The following RNF175 variants were observed in gnomAD, a reference collection of about 807,000 sequenced individuals.
RNF175 encodes ring finger protein 175.
RNF175 carries 38 observed loss-of-function variants against 50.0 expected under a neutral mutation model. The observed-to-expected ratio is 0.76, with a 90% CI of 0.59 to 1.00. RNF175 has a LOEUF of 1.00. Ranked by LOEUF, RNF175 falls within the 50% of genes least tolerant of loss-of-function variation. The pLI is 0.00. For missense variants in RNF175, 388 were observed against 409.6 expected (o/e 0.95, Z 0.46); for synonymous variants, 155 against 146.1 (o/e 1.06, Z -0.44).
chr4:153,734,728 C>T lies in RNF175; in HGVS notation c.247-6367G>A, dbSNP rs190515467. ...TCCCGCTCTGTCGCCCAGGCTGGAG[C>T]GCAGTGGCGTGATCTCGGCTCACTG... On this transcript the variant is annotated intron_variant, in intron 3 of 8. Transcript: ENST00000347063. Among the ~76,000 whole-genome samples the T allele has an allele frequency of 3.8e-3, 513 of 134,810 alleles. 3 individuals are homozygous for T. The Middle Eastern group carries it at 0.052, about 14-fold the overall frequency. The allele number at this position is 134,810 out of a possible 152,430, so 88.4% of individuals were successfully genotyped here. A position where few individuals can be genotyped will look rare whatever the true frequency, so the allele number is the denominator to read the frequency against.
At chr4:153,734,715 G>A (rs1392176123) in intron 3 of RNF175, among the ~76,000 whole-genome samples, 7 of 113,392 alleles carry the variant, frequency 6.2e-5, no homozygotes, top group South Asian at 3.0e-4. Context: ...CCGCTCTGTC[G>A]CCCAGGCTGG....
chr4:153,743,152 A>C (rs1253380645), intron 3 of RNF175, among the ~76,000 whole-genome samples: 3 of 152,216 alleles, frequency 2.0e-5, no homozygotes, highest in African/African-American at 7.2e-5. Context: ...AGTATAAGAA[A>C]GCTGGAAACC....
At chr4:153,728,126 C>T (rs1738814877) in intron 4 of RNF175, 81 bp downstream of exon 4, 8 of 1,104,018 alleles carry the variant, frequency 7.2e-6, no homozygotes, top group Non-Finnish European at 1.0e-5. Flanking sequence ...CACTCCCCAA[C>T]CCAGGAAAAT....
At position 153,728,327 on chromosome 4, in the gene RNF175, A is replaced by G. The variant is rs1738831941; in HGVS notation, c.281T>C (p.Leu94Ser). 1.9e-6 allele frequency: 3 copies of G among 1,613,840 alleles called. No homozygotes were observed. Among genetic ancestry groups the G allele is most frequent in the Non-Finnish European group, 2.5e-6 (3 of 1,179,706 alleles). Reference sequence around the variant, plus strand: ...CCAGTATAATTTTATCGTGAAATATAAGGGGACAACCCACATCTGCAACAA... The same window carrying G: ...CCAGTATAATTTTATCGTGAAATATGAGGGGACAACCCACATCTGCAACAA... ...VTLLQMWVVP[L>S]YFTIKLYWWR... Residue 94 changes from leucine to serine, a missense_variant, in exon 4 of 9, where the codon TTA (leucine) becomes TCA (serine). Transcript: ENST00000347063.
At position 153,757,726 on chromosome 4, in the gene RNF175, A is replaced by G. The variant is rs1396709980; in HGVS notation, c.66+2071T>C. Among the ~76,000 whole-genome samples, 4 of 151,852 alleles carry G rather than the reference A, an allele frequency of 2.6e-5. No individual in the cohort carries two copies. The East Asian group carries it at 7.8e-4, about 30-fold the overall frequency. On this transcript the variant is annotated intron_variant, in intron 1 of 8. Coordinates refer to ENST00000347063, the MANE Select transcript of RNF175 (RefSeq NM_173662.4). ...CCTGGAAAGCAAGCCTTAGACAAGC[A>G]GAAGAGGGAACTCCTAAACCCATGG...
intron 3 of RNF175, among the ~76,000 whole-genome samples, chr4:153,728,727 C>A (rs1199247182): frequency 1.3e-5 from 2 of 152,196 alleles, no homozygotes; most frequent in Non-Finnish European, 2.9e-5. Context: ...TCCCTGCACT[C>A]ACTGAGGCGG....
At chr4:153,746,234 G>C (rs986967114) in intron 3 of RNF175, among the ~76,000 whole-genome samples, 30 of 152,314 alleles carry the variant, frequency 2.0e-4, no homozygotes, top group Non-Finnish European at 3.5e-4. Context: ...GGAGTAGCAG[G>C]CCCCAAGCCA....
At chr4:153,730,042 T>C (rs148489926) in intron 3 of RNF175, among the ~76,000 whole-genome samples, 1 of 152,184 alleles carries the variant, frequency 6.6e-6, no homozygotes, top group African/African-American at 2.4e-5. Context: ...CTTAAGGAAG[T>C]AGAATAGTTT....
At chr4:153,748,974 C>T (rs1740146778) in intron 2 of RNF175, 188 bp from the exon 3 acceptor site, 2 of 576,362 alleles carry the variant, frequency 3.5e-6, no homozygotes, top group East Asian at 6.2e-5. Flanking sequence ...GGTTTCTTCC[C>T]TTTCCCTAGA....
intron 1 of RNF175, among the ~76,000 whole-genome samples, chr4:153,756,979 C>T (rs1038843927): frequency 2.6e-5 from 4 of 152,154 alleles, no homozygotes; most frequent in Non-Finnish European, 5.9e-5. Flanking sequence ...TAGACTGATC[C>T]TATTGTCTTC....
intron 3 of RNF175, among the ~76,000 whole-genome samples, chr4:153,728,623 A>G (rs2127123673): frequency 6.6e-6 from 1 of 152,348 alleles, no homozygotes; most frequent in South Asian, 2.1e-4. Context: ...ACAATTTTAG[A>G]TTAAAGGCCT....
chr4:153,755,185 G>T (rs1021195566), intron 1 of RNF175, among the ~76,000 whole-genome samples: 1 of 152,274 alleles, frequency 6.6e-6, no homozygotes, highest in African/African-American at 2.4e-5. Flanking sequence ...TTAGACATGG[G>T]CTTGCCCACT....
intron 3 of RNF175, among the ~76,000 whole-genome samples, chr4:153,731,547 A>G (rs1266567072): frequency 6.6e-6 from 1 of 152,194 alleles, no homozygotes; most frequent in East Asian, 1.9e-4. Flanking sequence ...TGCCATGCAC[A>G]TAATGAATCT....
rs184857171 is a variant in RNF175, at chr4:153,723,582, A to C, written c.402-124T>G. 113 of 599,456 alleles carry C rather than the reference A, an allele frequency of 1.9e-4. No homozygotes were observed. The African/African-American group carries it at 1.9e-3, about 10-fold the overall frequency. The allele number at this position is 599,456 out of a possible 1,614,324, so 37.1% of individuals were successfully genotyped here. On this transcript the variant is annotated intron_variant, in intron 4 of 8. Transcript: ENST00000347063. ...CTTATAAATCAGTTTTTAGTTTCTA[A>C]AAGTAAATTTATAACACACAGAACA...
intron 3 of RNF175, among the ~76,000 whole-genome samples, chr4:153,738,742 T>A (rs190062583): frequency 8.5e-5 from 13 of 152,376 alleles, no homozygotes; most frequent in Admixed American, 4.6e-4. Flanking sequence ...GTTGGATTAA[T>A]ATCTACCATG....
intron 3 of RNF175, among the ~76,000 whole-genome samples, chr4:153,742,318 C>T (rs1274542683): frequency 6.8e-6 from 1 of 147,838 alleles, no homozygotes; most frequent in Non-Finnish European, 1.5e-5. Flanking sequence ...AAGGGGGTGG[C>T]AAGGCAGTAT....
chr4:153,711,568 T>G (rs1439368682), intron 8 of RNF175, among the ~76,000 whole-genome samples: 1 of 152,220 alleles, frequency 6.6e-6, no homozygotes, highest in East Asian at 1.9e-4. Context: ...GGAAGGTGAT[T>G]CCTTTAGCAT....
Position 153,720,173 on chromosome 4 carries a change from G to A in RNF175, c.630+11C>T. On this transcript the variant is annotated intron_variant, in intron 6 of 8. Coordinates refer to ENST00000347063, the MANE Select transcript of RNF175 (RefSeq NM_173662.4). ...TCATACATGGTTTCAGAAAATGAAA[G>A]CAACACTTACCCCTATAGTGGAAGC... 1 of 1,612,328 alleles carries A rather than the reference G, an allele frequency of 6.2e-7. No homozygotes were observed. Among genetic ancestry groups the A allele is most frequent in the Non-Finnish European group, 8.5e-7 (1 of 1,179,060 alleles).
chr4:153,726,608 G>C (rs1738714456), intron 4 of RNF175, among the ~76,000 whole-genome samples: 2 of 152,154 alleles, frequency 1.3e-5, no homozygotes, highest in Non-Finnish European at 2.9e-5. Context: ...TCTTCATCCA[G>C]CTCCCCTAGC....
Sources: gnomAD v4.1 joint callset for allele counts (sites outside exome capture counted in the v4.1 genomes callset) on GRCh38, gnomAD v4.1.1 for gene constraint, MANE v1.5 for transcripts, NCBI Gene and HGNC (gene_info 2026-07-23, HGNC 2026-07-21) for gene names.